TECTA: variants seen among roughly 807,000 people sequenced by gnomAD.
TECTA encodes the protein alpha-tectorin.
Under a neutral mutation model 216.8 loss-of-function variants are expected in TECTA, and 128 were observed. The ratio of observed to expected loss-of-function variants is 0.59; its 90% confidence interval spans 0.51 to 0.68. The LOEUF is 0.68. Ranked by LOEUF, TECTA falls within the 30% of genes least tolerant of loss-of-function variation. The pLI is 0.00. For missense variants in TECTA, 2,551 were observed against 2,786.2 expected, an observed-to-expected ratio of 0.92 and a Z score of 1.90; for synonymous variants, 1,089 against 1,117.1, an observed-to-expected ratio of 0.97 and a Z score of 0.50.
chr11:121,125,780 G>T lies in TECTA; in HGVS notation c.1682G>T (p.Gly561Val), dbSNP rs757976047. ...VYDLCSVRDN[G>V]TLLCQAIQAY... ...GACCTGTGCAGTGTGAGGGACAATGGCACGCTCCTCTGCCAAGCCATCCAG... is the reference window on the plus strand; with the variant it reads ...GACCTGTGCAGTGTGAGGGACAATGTCACGCTCCTCTGCCAAGCCATCCAG... Residue 561 changes from glycine to valine, a missense_variant, in exon 8 of 24, where the codon GGC becomes GTC. Around this residue, in one of 3 missense-constraint regions of TECTA, gnomAD observed 2,375 missense variants for 2,563.9 expected, o/e 0.93. Coordinates refer to ENST00000392793, the MANE Select transcript of TECTA (RefSeq NM_005422.4). The T allele has an allele frequency of 9.9e-6, 16 of 1,614,032 alleles. No homozygotes were observed. In the South Asian group the frequency reaches 1.6e-4, roughly 17 times the overall value.
chr11:121,171,058 C>G (rs1947107070), intron 20 of TECTA, among the ~76,000 whole-genome samples: 1 of 152,088 alleles, frequency 6.6e-6, no homozygotes, highest in Admixed American at 6.6e-5. Context: ...TTTATAGTTT[C>G]TGGTTGCACA....
intron 7 of TECTA, among the ~76,000 whole-genome samples, chr11:121,119,010 C>CAA (rs1477436277): frequency 5.4e-5 from 5 of 93,316 alleles, no homozygotes; most frequent in Non-Finnish European, 8.5e-5. Flanking sequence ...CACACACACA[C>CAA]ACACACACAC....
chr11:121,142,191 ACT>A (rs1211709257), intron 11 of TECTA, among the ~76,000 whole-genome samples: 1 of 151,896 alleles, frequency 6.6e-6, no homozygotes, highest in African/African-American at 2.4e-5. Flanking sequence ...CTCTCCAAAA[ACT>A]CTAATATGTG....
intron 12 of TECTA, among the ~76,000 whole-genome samples, chr11:121,149,834 T>C (rs560685984): frequency 5.9e-5 from 9 of 152,286 alleles, no homozygotes; most frequent in Admixed American, 2.6e-4. Context: ...CATCATTTGG[T>C]GGGGAGCGAG....
intron 4 of TECTA, 95 bp from the exon 5 acceptor site, chr11:121,112,977 T>G: frequency 2.0e-6 from 3 of 1,514,976 alleles, no homozygotes; most frequent in Non-Finnish European, 2.7e-6. Context: ...GAGCTGCCTG[T>G]GGGTGGGGAG....
intron 15 of TECTA, 138 bp from the exon 16 acceptor site, chr11:121,161,937 T>C: frequency 9.7e-7 from 1 of 1,027,916 alleles, no homozygotes; most frequent in Non-Finnish European, 1.5e-6. Context: ...AGCAGTATCT[T>C]ACTTGCCAAA....
Position 121,130,239 on chromosome 11 carries a change from G to C in TECTA, c.2941+28G>C, listed in dbSNP as rs765227019. 3.1e-6 allele frequency: 5 copies of C among 1,597,276 alleles called. No homozygotes were observed. In the African/African-American group the frequency reaches 4.0e-5, roughly 13 times the overall value. The stretch of plus-strand genomic sequence containing the variant: ...AAGTTGGGGTTGGATTCTGGGAGAG[G>C]CTTTCTAGCTGGGAAATAGGTGCCA... On this transcript the variant is annotated intron_variant, in intron 10 of 23. Coordinates refer to ENST00000392793, the MANE Select transcript of TECTA (RefSeq NM_005422.4).
intron 10 of TECTA, among the ~76,000 whole-genome samples, chr11:121,130,617 A>C (rs956641429): frequency 6.6e-6 from 1 of 152,168 alleles, no homozygotes; most frequent in Non-Finnish European, 1.5e-5. Context: ...GGAGATTAGC[A>C]TGCTCCCCAG....
intron 20 of TECTA, among the ~76,000 whole-genome samples, chr11:121,176,028 T>C (rs539397381): frequency 7.9e-5 from 12 of 152,216 alleles, no homozygotes; most frequent in African/African-American, 2.4e-4. Context: ...CTTTTTTTTT[T>C]CCATTTGCTT....
chr11:121,129,806 G>C lies in TECTA; in HGVS notation c.2536G>C (p.Gly846Arg), dbSNP rs1349754995. 1 of 1,614,074 alleles carries C rather than the reference G, an allele frequency of 6.2e-7. No individual in the cohort carries two copies. The highest frequency in any genetic ancestry group is 1.3e-5 in the African/African-American group (1 of 74,924). The change falls in exon 10 of 24, where the codon GGG becomes CGG. Residue 846 changes from glycine to arginine, a missense_variant. Gly to Arg is a moderately radical substitution (Grantham distance 125). This residue lies in a region of TECTA where 2,375 missense variants were observed against 2,563.9 expected (regional missense o/e 0.93). Transcript: ENST00000392793. ...RLSTTYFNCT[G>R]GLCGFYNANA... The stretch of plus-strand genomic sequence containing the variant: ...GTCCACCACATACTTCAATTGCACA[G>C]GGGGCTTGTGCGGCTTCTACAATGC...
In TECTA at chr11:121,125,701, TG is replaced by T; in HGVS notation, c.1606del (p.Glu536SerfsTer22). On this transcript the variant is annotated frameshift_variant, in exon 8 of 24. Transcript: ENST00000392793. LOFTEE classifies it high-confidence loss of function. ...GFLNKTDGPLWECGTVVDPTA... is the reference protein window; with the variant it reads ...GFLNKTDGPLXECGTVVDPTA... ...CCTCAACAAGACAGACGGCCCTCTG[TG>T]GGAGTGTGGCACTGTCGTGGACCCC... The T allele has an allele frequency of 5.0e-6, 8 of 1,610,360 alleles. No individual in the cohort carries two copies. The highest frequency in any genetic ancestry group is 6.8e-6 in the Non-Finnish European group (8 of 1,176,762).
intron 4 of TECTA, among the ~76,000 whole-genome samples, chr11:121,112,272 C>T (rs1159690407): frequency 1.3e-5 from 2 of 152,180 alleles, no homozygotes; most frequent in African/African-American, 4.8e-5. Context: ...AAAATGAAGA[C>T]AGCATGGAAT....
Position 121,158,218 on chromosome 11 carries a change from G to T in TECTA, c.4683G>T (p.Thr1561=), listed in dbSNP as rs149232569. ...EEQILINDRN[T]VKVNGTQVNV... The stretch of plus-strand genomic sequence containing the variant: ...AGATTCTCATCAACGACCGGAACAC[G>T]GTCAAGGTAACCAGCCTGGCGGCCA... Residue 1561 remains threonine, a synonymous_variant, in exon 14 of 24, where the codon ACG becomes ACT. Coordinates refer to ENST00000392793, the MANE Select transcript of TECTA (RefSeq NM_005422.4). 1.2e-6 allele frequency: 2 copies of T among 1,612,250 alleles called. No individual in the cohort carries two copies. Among genetic ancestry groups the T allele is most frequent in the African/African-American group, 2.7e-5 (2 of 74,926 alleles).
intron 3 of TECTA, 145 bp from the exon 4 acceptor site, chr11:121,109,066 A>C (rs191413448): frequency 2.3e-6 from 2 of 853,848 alleles, no homozygotes; most frequent in African/African-American, 3.4e-5. Context: ...AGTCTGAGCA[A>C]TGGAACCCGG....
At chr11:121,182,540 A>G (rs1947240319) in intron 20 of TECTA, among the ~76,000 whole-genome samples, 1 of 152,292 alleles carries the variant, frequency 6.6e-6, no homozygotes, top group Admixed American at 6.5e-5. Context: ...GGGCAGGCCT[A>G]TCTTCAGATC....
Position 121,128,203 on chromosome 11 carries a change from C to T in TECTA, c.2226C>T (p.Thr742=), listed in dbSNP as rs772700877. 3.7e-6 allele frequency: 6 copies of T among 1,605,416 alleles called. No homozygotes were observed. The African/African-American group carries it at 8.0e-5, about 21-fold the overall frequency. ...PSEFSYTLLK[T]CPERPEYLEI... ...AGTTCTCCTACACCCTCCTGAAGAC[C>T]TGCCCTGAGCGCCCAGAGTACTTGG... Residue 742 remains threonine, a synonymous_variant, in exon 9 of 24, where the codon ACC becomes ACT. Coordinates refer to ENST00000392793, the MANE Select transcript of TECTA (RefSeq NM_005422.4).
intron 7 of TECTA, among the ~76,000 whole-genome samples, chr11:121,123,406 T>C (rs1301125474): frequency 6.6e-6 from 1 of 152,234 alleles, no homozygotes; most frequent in Admixed American, 6.5e-5. Context: ...GTGTGTGTTC[T>C]ATAAGCTCAT....
At chr11:121,162,018 A>G (rs1947004667) in intron 15 of TECTA, 57 bp from the exon 16 acceptor site, 1 of 1,609,814 alleles carries the variant, frequency 6.2e-7, no homozygotes, top group Admixed American at 1.7e-5. Flanking sequence ...TACAGATGCA[A>G]TTTACCTTCC....
At chr11:121,181,596 A>T (rs1014870414) in intron 20 of TECTA, among the ~76,000 whole-genome samples, 4 of 152,084 alleles carry the variant, frequency 2.6e-5, no homozygotes, top group African/African-American at 9.7e-5. Flanking sequence ...CAGCCTCCTG[A>T]GTAGCTGGGA....
Sources: allele counts gnomAD v4.1 joint callset (sites outside exome capture counted in the v4.1 genomes callset), GRCh38; gene constraint gnomAD v4.1.1; regional missense constraint gnomAD v4.1.1; transcripts MANE v1.5; gene names NCBI Gene and HGNC (gene_info 2026-07-23, HGNC 2026-07-21).